ARHGAP28: variants seen among roughly 807,000 people sequenced by gnomAD.
ARHGAP28 encodes the protein Rho GTPase activating protein 28.
Under a neutral mutation model 90.7 loss-of-function variants are expected in ARHGAP28, and 56 were observed. The observed-to-expected ratio is 0.62, with a 90% CI of 0.50 to 0.77. ARHGAP28 has a LOEUF of 0.77. ARHGAP28 is among the 30% of genes least tolerant of loss of function. The pLI is 0.00. For missense variants in ARHGAP28, 869 were observed against 900.9 expected, an observed-to-expected ratio of 0.96 and a Z score of 0.45; for synonymous variants, 308 against 323.3, an observed-to-expected ratio of 0.95 and a Z score of 0.51.
intron 1 of ARHGAP28, among the ~76,000 whole-genome samples, chr18:6,755,443 G>A (rs1313008892): frequency 6.6e-6 from 1 of 152,158 alleles, no homozygotes; most frequent in Non-Finnish European, 1.5e-5. Flanking sequence ...TTTAAAGGCA[G>A]GAAGAGGCAG....
intron 1 of ARHGAP28, among the ~76,000 whole-genome samples, chr18:6,772,827 G>A (rs146835019): frequency 3.3e-5 from 5 of 151,742 alleles, no homozygotes; most frequent in African/African-American, 7.3e-5. Flanking sequence ...ATCTGCCTCC[G>A]CCTCCCGGGT....
At chr18:6,813,523 G>T (rs1215956431) in intron 1 of ARHGAP28, among the ~76,000 whole-genome samples, 1 of 151,950 alleles carries the variant, frequency 6.6e-6, no homozygotes, top group South Asian at 2.1e-4. Flanking sequence ...TAAAACTTTT[G>T]GCTGGGGATA....
chr18:6,846,145 A>C (rs1256810410), intron 3 of ARHGAP28, among the ~76,000 whole-genome samples: 1 of 152,196 alleles, frequency 6.6e-6, no homozygotes, highest in African/African-American at 2.4e-5. Flanking sequence ...GTGGCAGACC[A>C]TTTACAGTGA....
In ARHGAP28 at chr18:6,846,642, T is replaced by A. The variant is rs997315337; in HGVS notation, c.544-4392T>A. Among the ~76,000 whole-genome samples, 9 of 152,278 alleles carry A rather than the reference T, an allele frequency of 5.9e-5. 1 individual carries two copies. Among genetic ancestry groups the A allele is most frequent in the Admixed American group, 2.0e-4 (3 of 15,288 alleles). ...CACCAGGACACTTGGCCCGAGGTGTTTGCCCCTCTCTGCTGTCCCCATTCC... is the reference window on the plus strand; with the variant it reads ...CACCAGGACACTTGGCCCGAGGTGTATGCCCCTCTCTGCTGTCCCCATTCC... On this transcript the variant is annotated intron_variant, in intron 3 of 17. Transcript: ENST00000383472.
intron 5 of ARHGAP28, 114 bp from the exon 6 acceptor site, chr18:6,868,036 C>CT (rs1347659737): frequency 1.4e-5 from 12 of 841,238 alleles, no homozygotes; most frequent in Middle Eastern, 2.3e-4. Context: ...TCAAGAATGG[C>CT]TTTTTTTATG....
chr18:6,839,302 T>TTG (rs1490806979), intron 3 of ARHGAP28, among the ~76,000 whole-genome samples: 2 of 150,724 alleles, frequency 1.3e-5, no homozygotes, highest in Non-Finnish European at 3.0e-5. Flanking sequence ...ATTTTTTTTT[T>TTG]TTTTTTTTTG....
intron 1 of ARHGAP28, among the ~76,000 whole-genome samples, chr18:6,801,872 A>G (rs1279612119): frequency 6.6e-6 from 1 of 152,090 alleles, no homozygotes; most frequent in South Asian, 2.1e-4. Context: ...TATTTCCTCT[A>G]TCTAACTGTA....
chr18:6,851,450 C>T (rs1487225398), intron 4 of ARHGAP28, among the ~76,000 whole-genome samples: 4 of 152,134 alleles, frequency 2.6e-5, no homozygotes, highest in African/African-American at 7.2e-5. Context: ...GCCAAAGATT[C>T]AGAGCAATTA....
At chr18:6,801,050 T>C (rs957506641) in intron 1 of ARHGAP28, among the ~76,000 whole-genome samples, 1 of 152,238 alleles carries the variant, frequency 6.6e-6, no homozygotes, top group Non-Finnish European at 1.5e-5. Flanking sequence ...TTGTGTCCTA[T>C]CTTTCAAATA....
chr18:6,831,471 G>GTTTTTTTTTTTTT (rs57331018), intron 2 of ARHGAP28, among the ~76,000 whole-genome samples: 20 of 109,304 alleles, frequency 1.8e-4, no homozygotes, highest in Non-Finnish European at 2.0e-4. Context: ...GTATCTTGAT[G>GTTTTTTTTTTTTT]TTTTTTTTTT....
chr18:6,845,571 C>T (rs1453450887), intron 3 of ARHGAP28, among the ~76,000 whole-genome samples: 4 of 152,118 alleles, frequency 2.6e-5, no homozygotes. Context: ...TGATGCTCTC[C>T]CTCCCCCGAT....
chr18:6,899,933 T>G (rs367936227), intron 16 of ARHGAP28, among the ~76,000 whole-genome samples: 3 of 151,994 alleles, frequency 2.0e-5, no homozygotes, highest in East Asian at 3.9e-4. Context: ...CAATTGACAC[T>G]CTGCTTCCTC....
At chr18:6,766,878 A>G (rs977478499) in intron 1 of ARHGAP28, among the ~76,000 whole-genome samples, 7 of 152,064 alleles carry the variant, frequency 4.6e-5, no homozygotes, top group African/African-American at 1.2e-4. Context: ...GGCCACCCCA[A>G]CTTTCTTATG....
At chr18:6,837,437 C>T (rs777874151) in intron 3 of ARHGAP28, 23 bp downstream of exon 3, 2 of 1,226,564 alleles carry the variant, frequency 1.6e-6, no homozygotes, top group Admixed American at 1.8e-5. Context: ...TCAAACATGG[C>T]TCAAAAGGCG....
At chr18:6,795,757 G>C (rs888735450) in intron 1 of ARHGAP28, among the ~76,000 whole-genome samples, 6 of 152,154 alleles carry the variant, frequency 3.9e-5, no homozygotes, top group Non-Finnish European at 7.3e-5. Flanking sequence ...CATTCTCACT[G>C]GGCAAGCTGG....
intron 1 of ARHGAP28, among the ~76,000 whole-genome samples, chr18:6,734,129 C>G (rs7238175): frequency 0.39 from 59,638 of 152,038 alleles, 12,960 homozygotes; most frequent in East Asian, 0.55. Flanking sequence ...AATAAACTAA[C>G]TATAAATTAT....
intron 17 of ARHGAP28, among the ~76,000 whole-genome samples, chr18:6,909,300 C>CTTTTCT (rs2057382798): frequency 1.6e-5 from 2 of 121,984 alleles, no homozygotes; most frequent in African/African-American, 6.5e-5. Context: ...CTTTTCTTTT[C>CTTTTCT]TTTTTTTTTT....
chr18:6,889,541 C>T (rs1018212580), intron 12 of ARHGAP28, among the ~76,000 whole-genome samples: 7 of 152,134 alleles, frequency 4.6e-5, no homozygotes, highest in African/African-American at 7.2e-5. Context: ...AACAACCTTT[C>T]GTGTTTATTG....
intron 3 of ARHGAP28, among the ~76,000 whole-genome samples, chr18:6,837,737 A>C (rs1470187080): frequency 6.6e-6 from 1 of 152,088 alleles, no homozygotes. Flanking sequence ...CACTGAATGG[A>C]AACTCTGTGG....
Sources: gnomAD v4.1 joint callset for allele counts (sites outside exome capture counted in the v4.1 genomes callset) on GRCh38, gnomAD v4.1.1 for gene constraint, MANE v1.5 for transcripts, NCBI Gene and HGNC (gene_info 2026-07-23, HGNC 2026-07-21) for gene names.